REV1: variants seen among roughly 807,000 people sequenced by gnomAD.
REV1 encodes the protein REV1 DNA directed polymerase.
REV1 carries 42 observed loss-of-function variants against 137.4 expected under a neutral mutation model. The observed-to-expected ratio is 0.31, with a 90% CI of 0.24 to 0.40. REV1 has a LOEUF of 0.40. Ranked by LOEUF, REV1 falls within the 10% of genes least tolerant of loss-of-function variation. REV1 has a pLI of 1.00. For synonymous variants in REV1, 524 were observed against 519.2 expected (o/e 1.01, Z -0.12); for missense variants, 1,282 against 1,490.1 (o/e 0.86, Z 2.30).
At chr2:99,421,449 C>T (rs751706685) in intron 11 of REV1, 50 bp downstream of exon 11, 1 of 1,527,734 alleles carries the variant, frequency 6.5e-7, no homozygotes, top group South Asian at 1.3e-5. Flanking sequence ...AACTGATATT[C>T]AAGAATCTCA....
At chr2:99,429,512 ATAAATAT>A (rs1386176550) in intron 9 of REV1, among the ~76,000 whole-genome samples, 1 of 152,234 alleles carries the variant, frequency 6.6e-6, no homozygotes, top group African/African-American at 2.4e-5. Context: ...ATTAGAGGGA[ATAAATAT>A]TAAAGTCCTC....
intron 2 of REV1, among the ~76,000 whole-genome samples, chr2:99,463,815 G>A (rs1684507182): frequency 6.6e-6 from 1 of 152,030 alleles, no homozygotes. Context: ...ATAGAGACGG[G>A]ATTTCACCAT....
At chr2:99,484,281 T>C (rs767173145) in intron 1 of REV1, among the ~76,000 whole-genome samples, 1 of 152,146 alleles carries the variant, frequency 6.6e-6, no homozygotes, top group African/African-American at 2.4e-5. Context: ...TGTATCAGGC[T>C]TAATACCTGA....
chr2:99,432,661 G>C (rs1186449927), intron 8 of REV1, among the ~76,000 whole-genome samples: 6 of 152,132 alleles, frequency 3.9e-5, no homozygotes, highest in Non-Finnish European at 8.8e-5. Flanking sequence ...TTTTTCTAGT[G>C]ACGGGACAAT....
chr2:99,468,881 C>T (rs1183190907), intron 1 of REV1, among the ~76,000 whole-genome samples: 1 of 152,178 alleles, frequency 6.6e-6, no homozygotes, highest in African/African-American at 2.4e-5. Context: ...TGAGACTACA[C>T]ACGTGGAAAC....
chr2:99,474,541 T>C (rs1026296431), intron 1 of REV1, among the ~76,000 whole-genome samples: 1 of 152,190 alleles, frequency 6.6e-6, no homozygotes, highest in Non-Finnish European at 1.5e-5. Flanking sequence ...GAGCCATATA[T>C]GTAACAAAAC....
intron 1 of REV1, among the ~76,000 whole-genome samples, chr2:99,466,521 C>T (rs1684815169): frequency 6.6e-6 from 1 of 152,202 alleles, no homozygotes; most frequent in African/African-American, 2.4e-5. Flanking sequence ...GGATTACAGG[C>T]ATGAGCCACC....
Position 99,402,744 on chromosome 2 carries a change from G to A in REV1, c.3441C>T (p.Asp1147=), listed in dbSNP as rs1165159747. Residue 1147 remains aspartate, a synonymous_variant, in exon 21 of 23, where the codon GAC becomes GAT. Transcript: ENST00000258428. The part of the protein sequence containing the change: ...GVPGLSSLQS[D]PAGCVRPPAP... ...CTGGAGGTCTCACACAGCCAGCTGG[G>A]TCAGACTGCAAACTAGAAAGGCCTG... is the stretch of plus-strand genomic sequence containing the variant. 3 of 1,614,030 alleles carry A rather than the reference G, an allele frequency of 1.9e-6. No homozygotes were observed. Among genetic ancestry groups the A allele is most frequent in the Admixed American group, 3.3e-5 (2 of 59,998 alleles).
intron 6 of REV1, among the ~76,000 whole-genome samples, chr2:99,438,224 T>C (rs1172688146): frequency 1.3e-5 from 2 of 152,196 alleles, no homozygotes; most frequent in African/African-American, 4.8e-5. Context: ...GATGCAAGCT[T>C]CTAGAAATTA....
At position 99,453,993 on chromosome 2, in the gene REV1, T is replaced by G. The variant is rs527339687; in HGVS notation, c.182-4489A>C. Among the ~76,000 whole-genome samples the G allele has an allele frequency of 4.0e-4, 61 of 151,996 alleles. No homozygotes were observed. The South Asian group carries it at 0.012, about 29-fold the overall frequency. On this transcript the variant is annotated intron_variant, in intron 3 of 22. Coordinates refer to ENST00000258428, the MANE Select transcript of REV1 (RefSeq NM_016316.4). ...CAATCAATGTCACTGTTTTGAAATG[T>G]CAGAGTGAGTGCTTTTCTCCTCATT...
chr2:99,406,268 C>T lies in REV1; in HGVS notation c.2614+57G>A, dbSNP rs1037316736. On this transcript the variant is annotated intron_variant, in intron 16 of 22. Coordinates refer to ENST00000258428, the MANE Select transcript of REV1 (RefSeq NM_016316.4). ...CTGTGTCAATTTTAAAACCAACTGC[C>T]GTCTTTCCAAGGACATAAGCAGCAC... 12 of 1,511,248 alleles carry T rather than the reference C, an allele frequency of 7.9e-6. 1 individual carries two copies. The highest frequency in any genetic ancestry group is 6.8e-5 in the East Asian group (3 of 43,932). The allele number at this position is 1,511,248 out of a possible 1,614,324, so 93.6% of individuals were successfully genotyped here.
intron 1 of REV1, among the ~76,000 whole-genome samples, chr2:99,469,353 T>C (rs913495294): frequency 1.3e-5 from 2 of 152,246 alleles, no homozygotes; most frequent in African/African-American, 2.4e-5. Context: ...TCTGTTTCCA[T>C]GTGACTCTGT....
At position 99,462,583 on chromosome 2, in the gene REV1, G is replaced by C; in HGVS notation, c.94C>G (p.Gln32Glu). Residue 32 changes from glutamine to glutamate, a missense_variant, in exon 3 of 23, where the codon CAG becomes GAG. Gln to Glu is a conservative substitution (Grantham distance 29). Transcript: ENST00000258428. ...TGCATAGCAGCATCTGATCGAAACT[G>C]TTCCTCCAATTTCTGGACCTTGGCA... Reference protein sequence around the residue: ...MAAKVQKLEEQFRSDAAMQKD... With the variant: ...MAAKVQKLEEEFRSDAAMQKD... The C allele has an allele frequency of 1.2e-6, 2 of 1,612,666 alleles. No individual in the cohort carries two copies. The highest frequency in any genetic ancestry group is 1.1e-5 in the South Asian group (1 of 90,750).
At chr2:99,490,033 C>T (rs1051223409), upstream of REV1, 2 of 149,574 alleles carry the variant, frequency 1.3e-5, no homozygotes, top group African/African-American at 2.4e-5. Flanking sequence ...CCCTCCCCCT[C>T]CGGTTAGCGC....
chr2:99,440,339 G>C (rs902743634), intron 5 of REV1, among the ~76,000 whole-genome samples: 6 of 152,180 alleles, frequency 3.9e-5, no homozygotes, highest in Non-Finnish European at 8.8e-5. Flanking sequence ...CCAGATGAAG[G>C]GCTGCCCTAC....
intron 2 of REV1, among the ~76,000 whole-genome samples, chr2:99,464,520 T>C (rs1227408011): frequency 1.3e-5 from 2 of 152,182 alleles, no homozygotes. Context: ...TAACACATTG[T>C]TTTAGTCAAG....
intron 3 of REV1, among the ~76,000 whole-genome samples, chr2:99,459,453 C>T (rs1683924742): frequency 6.6e-6 from 1 of 152,154 alleles, no homozygotes; most frequent in South Asian, 2.1e-4. Flanking sequence ...TACATGTAAT[C>T]TCCACACTTT....
In REV1 at chr2:99,437,229, C is replaced by A. The variant is rs181513866; in HGVS notation, c.1214-1288G>T. 7.2e-5 allele frequency among the ~76,000 whole-genome samples: 11 copies of A among 152,106 alleles called. No individual in the cohort carries two copies. In the South Asian group the frequency reaches 1.5e-3, roughly 20 times the overall value. ...CACTCCTGGGCTCAAGCAATCCTCC[C>A]GCCTCGGCCTCCGAAAGTGTGCGAA... is the stretch of plus-strand genomic sequence containing the variant. On this transcript the variant is annotated intron_variant, in intron 6 of 22. Transcript: ENST00000258428.
At chr2:99,404,409 G>T in intron 18 of REV1, 35 bp downstream of exon 18, 1 of 1,495,118 alleles carries the variant, frequency 6.7e-7, no homozygotes, top group Non-Finnish European at 9.1e-7. Flanking sequence ...TGAGAATATT[G>T]AAACTACAGC....
Sources: allele counts gnomAD v4.1 joint callset (sites outside exome capture counted in the v4.1 genomes callset), GRCh38; gene constraint gnomAD v4.1.1; transcripts MANE v1.5; gene names NCBI Gene and HGNC (gene_info 2026-07-23, HGNC 2026-07-21).